ATP6V0D2: variants seen among roughly 807,000 people sequenced by gnomAD.
ATP6V0D2 encodes the protein V-type proton ATPase subunit d 2.
Under a neutral mutation model 40.0 loss-of-function variants are expected in ATP6V0D2, and 40 were observed. That is an observed-to-expected ratio of 1.00 (90% CI 0.78 to 1.30). The LOEUF is 1.30. Among genes scored for constraint, ATP6V0D2 ranks in the 50% most tolerant of loss-of-function variants. ATP6V0D2 has a pLI of 0.00. For synonymous variants in ATP6V0D2, 179 were observed against 156.3 expected, an observed-to-expected ratio of 1.15 and a Z score of -1.08; for missense variants, 470 against 423.1, an observed-to-expected ratio of 1.11 and a Z score of -0.97.
chr8:86,140,898 A>G (rs1225095027), intron 3 of ATP6V0D2, among the ~76,000 whole-genome samples: 7 of 152,208 alleles, frequency 4.6e-5, no homozygotes, highest in African/African-American at 7.2e-5. Flanking sequence ...ACCATAATGT[A>G]AAACCAGTGA....
At chr8:86,112,010 T>C (rs529003529) in intron 1 of ATP6V0D2, among the ~76,000 whole-genome samples, 1 of 152,218 alleles carries the variant, frequency 6.6e-6, no homozygotes, top group Non-Finnish European at 1.5e-5. Context: ...TGGCAGCACA[T>C]AATAGATGCT....
At chr8:86,143,257 A>G (rs1360337970) in intron 5 of ATP6V0D2, among the ~76,000 whole-genome samples, 1 of 152,234 alleles carries the variant, frequency 6.6e-6, no homozygotes, top group Non-Finnish European at 1.5e-5. Context: ...GATTGTAAAC[A>G]ATAACAAATT....
chr8:86,113,133 T>G (rs1358073826), intron 1 of ATP6V0D2, among the ~76,000 whole-genome samples: 3 of 143,928 alleles, frequency 2.1e-5, no homozygotes, highest in Admixed American at 7.0e-5. Context: ...GTTTGTTAGG[T>G]TTTTTTTTTT....
In ATP6V0D2 at chr8:86,113,835, G is replaced by T. The variant is rs773606779; in HGVS notation, c.257G>T (p.Arg86Leu). Residue 86 changes from arginine to leucine, a missense_variant, in exon 2 of 8, where the codon CGG becomes CTG. Transcript: ENST00000285393. ...CTATGTGGAGAATTTGAGTATTTCC[G>T]GAATCATTCCCTGGAGCCCCTCAGC... is the stretch of plus-strand genomic sequence containing the variant. Reference protein sequence around the residue: ...KRLCGEFEYFRNHSLEPLSTF... With the variant: ...KRLCGEFEYFLNHSLEPLSTF... 20 of 1,613,676 alleles carry T rather than the reference G, an allele frequency of 1.2e-5. No homozygotes were observed. The highest frequency in any genetic ancestry group is 1.6e-5 in the Non-Finnish European group (19 of 1,179,840).
chr8:86,126,374 G>A (rs927344127), intron 2 of ATP6V0D2, among the ~76,000 whole-genome samples: 1 of 150,370 alleles, frequency 6.7e-6, no homozygotes, highest in Non-Finnish European at 1.5e-5. Context: ...CCATCACCTA[G>A]GTATTAAGCC....
intron 2 of ATP6V0D2, among the ~76,000 whole-genome samples, chr8:86,129,322 C>T (rs556680187): frequency 7.4e-4 from 112 of 152,148 alleles, no homozygotes; most frequent in Admixed American, 1.1e-3. Flanking sequence ...GTGTGCACAG[C>T]GACCCTGTGA....
At chr8:86,135,246 C>G (rs962215432) in intron 2 of ATP6V0D2, among the ~76,000 whole-genome samples, 5 of 152,132 alleles carry the variant, frequency 3.3e-5, no homozygotes, top group African/African-American at 1.2e-4. Flanking sequence ...AATTATGGCT[C>G]TATAATATTT....
intron 5 of ATP6V0D2, among the ~76,000 whole-genome samples, chr8:86,144,046 C>G (rs1428208248): frequency 6.6e-6 from 1 of 152,232 alleles, no homozygotes; most frequent in African/African-American, 2.4e-5. Context: ...ATGTGATTCA[C>G]AGTTGGTAAG....
chr8:86,129,184 T>G (rs966824312), intron 2 of ATP6V0D2, among the ~76,000 whole-genome samples: 1 of 152,352 alleles, frequency 6.6e-6, no homozygotes, highest in Admixed American at 6.5e-5. Context: ...CTGAAGAAAC[T>G]GAACTCTTAG....
chr8:86,118,085 CT>C (rs1222811419), intron 2 of ATP6V0D2, among the ~76,000 whole-genome samples: 3,563 of 27,618 alleles, frequency 0.13, 159 homozygotes, highest in African/African-American at 0.25. Flanking sequence ...TTCTTTCTTT[CT>C]TTTTTTTTTT....
intron 2 of ATP6V0D2, among the ~76,000 whole-genome samples, chr8:86,116,296 T>G (rs1214794801): frequency 4.6e-5 from 7 of 152,220 alleles, no homozygotes; most frequent in African/African-American, 1.7e-4. Flanking sequence ...CATTTCAAAT[T>G]TATACAAATG....
At chr8:86,119,315 A>AC (rs1471740807) in intron 2 of ATP6V0D2, among the ~76,000 whole-genome samples, 1 of 140,750 alleles carries the variant, frequency 7.1e-6, no homozygotes, top group Non-Finnish European at 1.5e-5. Context: ...TGCAAGCTCC[A>AC]CCCCCCAGGT....
At position 86,108,859 on chromosome 8, in the gene ATP6V0D2, C is replaced by T. The variant is rs560222214; in HGVS notation, c.131-4850C>T. On this transcript the variant is annotated intron_variant, in intron 1 of 7. Transcript: ENST00000285393. ...TGCAGTGACCACAACCCACAGAAAA[C>T]GCATGTTTATATTATGACTCAGTGC... Among the ~76,000 whole-genome samples, 12 of 152,270 alleles carry T rather than the reference C, an allele frequency of 7.9e-5. 1 individual carries two copies. Among genetic ancestry groups the T allele is most frequent in the South Asian group, 6.2e-4 (3 of 4,822 alleles).
chr8:86,109,959 T>C (rs952922523), intron 1 of ATP6V0D2, among the ~76,000 whole-genome samples: 2 of 152,194 alleles, frequency 1.3e-5, no homozygotes, highest in African/African-American at 2.4e-5. Context: ...AAACATGGCA[T>C]ACCAAACCCT....
At chr8:86,121,375 G>A (rs1386477962) in intron 2 of ATP6V0D2, among the ~76,000 whole-genome samples, 1 of 152,176 alleles carries the variant, frequency 6.6e-6, no homozygotes, top group Non-Finnish European at 1.5e-5. Flanking sequence ...TTTGAGACCA[G>A]CCTAGCCAAA....
At chr8:86,138,861 G>A (rs1818931500) in intron 2 of ATP6V0D2, among the ~76,000 whole-genome samples, 1 of 152,174 alleles carries the variant, frequency 6.6e-6, no homozygotes, top group African/African-American at 2.4e-5. Flanking sequence ...GAATGACTGT[G>A]GAGGGGCTTC....
chr8:86,119,147 A>G lies in ATP6V0D2; in HGVS notation c.302+5267A>G, dbSNP rs550420187. Among the ~76,000 whole-genome samples the G allele has an allele frequency of 2.6e-5, 4 of 151,538 alleles. No homozygotes were observed. In the South Asian group the frequency reaches 8.4e-4, roughly 32 times the overall value. On this transcript the variant is annotated intron_variant, in intron 2 of 7. Coordinates refer to ENST00000285393, the MANE Select transcript of ATP6V0D2 (RefSeq NM_152565.1). ...CCCAGAATACACTGGGAAATGCTCTAGTTCTAAAAACAGCTGTGAGTCCTT... is the reference window on the plus strand; with the variant it reads ...CCCAGAATACACTGGGAAATGCTCTGGTTCTAAAAACAGCTGTGAGTCCTT...
intron 2 of ATP6V0D2, among the ~76,000 whole-genome samples, chr8:86,134,390 A>G (rs1382707995): frequency 6.6e-6 from 1 of 152,186 alleles, no homozygotes; most frequent in African/African-American, 2.4e-5. Context: ...AGGACAACAG[A>G]AAGGAGAAAA....
intron 2 of ATP6V0D2, among the ~76,000 whole-genome samples, chr8:86,138,487 G>A (rs750776993): frequency 6.6e-6 from 1 of 152,126 alleles, no homozygotes; most frequent in Non-Finnish European, 1.5e-5. Flanking sequence ...TATCTTAGGT[G>A]CTGACTACAT....
Sources: gnomAD v4.1 joint callset for allele counts (sites outside exome capture counted in the v4.1 genomes callset) on GRCh38, gnomAD v4.1.1 for gene constraint, MANE v1.5 for transcripts, NCBI Gene and HGNC (gene_info 2026-07-23, HGNC 2026-07-21) for gene names.